The following PLCG2 variants were observed in gnomAD, a reference collection of about 807,000 sequenced individuals.
PLCG2 encodes the protein phospholipase C gamma 2, also known as 1-phosphatidylinositol 4,5-bisphosphate phosphodiesterase gamma-2.
In PLCG2, 69 loss-of-function variants were observed where a neutral mutation model predicts 175.6. The observed-to-expected ratio is 0.39, with a 90% CI of 0.32 to 0.48. The LOEUF is 0.48. Ranked by LOEUF, PLCG2 falls within the 20% of genes least tolerant of loss-of-function variation. PLCG2 has a pLI of 0.91. For missense variants in PLCG2, 1,798 were observed against 1,650.9 expected (o/e 1.09, Z -1.54); for synonymous variants, 827 against 624.0 (o/e 1.33, Z -4.85).
intron 2 of PLCG2, among the ~76,000 whole-genome samples, chr16:81,767,136 G>GTTTTTTT (rs66799783): frequency 4.2e-5 from 3 of 71,726 alleles, no homozygotes; most frequent in African/African-American, 1.8e-4. Flanking sequence ...TAAACTCGTG[G>GTTTTTTT]TTTTTTTTTT....
At chr16:81,839,224 CACAT>C (rs1425670676) in intron 2 of PLCG2, among the ~76,000 whole-genome samples, 1 of 152,058 alleles carries the variant, frequency 6.6e-6, no homozygotes, top group Admixed American at 6.6e-5. Context: ...AGAAAACTAT[CACAT>C]AAATAGTATC....
At chr16:81,874,034 A>G (rs938160447) in intron 7 of PLCG2, among the ~76,000 whole-genome samples, 1 of 152,232 alleles carries the variant, frequency 6.6e-6, no homozygotes, top group Non-Finnish European at 1.5e-5. Flanking sequence ...TTTGTATGGC[A>G]AAGATTCTGC....
upstream of PLCG2, among the ~76,000 whole-genome samples, chr16:81,776,492 G>C (rs1368383628): frequency 6.6e-6 from 1 of 152,096 alleles, no homozygotes; most frequent in Non-Finnish European, 1.5e-5. Flanking sequence ...TATTATCCTT[G>C]GGAAAAGAAG....
At chr16:81,946,288 G>A in intron 31 of PLCG2, 25 bp downstream of exon 31, 2 of 1,559,798 alleles carry the variant, frequency 1.3e-6, no homozygotes, top group East Asian at 2.2e-5. Flanking sequence ...ACCAGTTAAG[G>A]GTTCCCTGAG....
intron 32 of PLCG2, among the ~76,000 whole-genome samples, chr16:81,957,303 A>C (rs997873038): frequency 1.7e-5 from 2 of 120,132 alleles, no homozygotes; most frequent in African/African-American, 3.2e-5. Context: ...TGTCAAACAA[A>C]CAAACAAACA....
intron 2 of PLCG2, among the ~76,000 whole-genome samples, chr16:81,822,057 C>G (rs577798318): frequency 1.3e-5 from 2 of 152,200 alleles, no homozygotes; most frequent in Non-Finnish European, 2.9e-5. Flanking sequence ...AGCACCCTTA[C>G]GCTGCAGAGA....
intron 22 of PLCG2, among the ~76,000 whole-genome samples, chr16:81,926,537 C>G (rs1910282865): frequency 6.6e-6 from 1 of 152,210 alleles, no homozygotes; most frequent in Non-Finnish European, 1.5e-5. Flanking sequence ...AGAGCTAACA[C>G]TATTGAGTAT....
At chr16:81,784,632 G>C (rs1435130878) in intron 1 of PLCG2, among the ~76,000 whole-genome samples, 2 of 152,110 alleles carry the variant, frequency 1.3e-5, no homozygotes, top group Non-Finnish European at 2.9e-5. Context: ...AACAAATAAT[G>C]GTAATTTTAA....
At chr16:81,767,522 T>C (rs1362765885) in intron 2 of PLCG2, 3 of 152,214 alleles carry the variant, frequency 2.0e-5, no homozygotes, top group African/African-American at 7.2e-5. Flanking sequence ...CAACCTGCAC[T>C]GATCACTTCT....
chr16:81,789,257 G>A (rs1330582157), intron 2 of PLCG2, among the ~76,000 whole-genome samples: 1 of 152,254 alleles, frequency 6.6e-6, no homozygotes, highest in Non-Finnish European at 1.5e-5. Context: ...CTTCTGCTGA[G>A]TAATACCATT....
At chr16:81,803,032 G>A (rs1381935716) in intron 2 of PLCG2, among the ~76,000 whole-genome samples, 1 of 151,588 alleles carries the variant, frequency 6.6e-6, no homozygotes, top group Non-Finnish European at 1.5e-5. Flanking sequence ...CCCCATCCCT[G>A]GCAATGACAA....
At chr16:81,849,533 C>CG (rs1328710500) in intron 2 of PLCG2, among the ~76,000 whole-genome samples, 1 of 152,066 alleles carries the variant, frequency 6.6e-6, no homozygotes, top group Non-Finnish European at 1.5e-5. Context: ...CCGAGACAGG[C>CG]GGATCACCTG....
At chr16:81,848,892 G>T (rs1485593795) in intron 2 of PLCG2, among the ~76,000 whole-genome samples, 1 of 152,176 alleles carries the variant, frequency 6.6e-6, no homozygotes, top group Non-Finnish European at 1.5e-5. Context: ...ATAGATCATA[G>T]CAGGCATTGG....
chr16:81,901,715 G>C (rs150312333), intron 14 of PLCG2, among the ~76,000 whole-genome samples: 2 of 152,150 alleles, frequency 1.3e-5, no homozygotes, highest in Non-Finnish European at 2.9e-5. Flanking sequence ...TTCATATCCC[G>C]TTTACAGTTA....
chr16:81,882,731 C>G (rs769485955), intron 8 of PLCG2, among the ~76,000 whole-genome samples: 76 of 151,966 alleles, frequency 5.0e-4, no homozygotes, highest in African/African-American at 1.1e-3. Flanking sequence ...CTCCTTCTTG[C>G]TCACCCCACC....
intron 2 of PLCG2, among the ~76,000 whole-genome samples, chr16:81,843,745 A>C (rs965936437): frequency 1.3e-5 from 2 of 152,226 alleles, no homozygotes; most frequent in Non-Finnish European, 2.9e-5. Context: ...ATCTGCTTAA[A>C]ATACTAAAGA....
At chr16:81,870,081 A>T (rs977567580) in intron 6 of PLCG2, among the ~76,000 whole-genome samples, 40 of 152,240 alleles carry the variant, frequency 2.6e-4, no homozygotes, top group Non-Finnish European at 1.8e-4. Context: ...CTTATCAAGC[A>T]TCCTTTGACC....
At chr16:81,827,601 A>C (rs532623170) in intron 2 of PLCG2, among the ~76,000 whole-genome samples, 18 of 152,244 alleles carry the variant, frequency 1.2e-4, no homozygotes, top group African/African-American at 4.3e-4. Context: ...GGTTGTATCT[A>C]GGGGACAAAT....
chr16:81,789,301 C>G (rs1174516991), intron 2 of PLCG2, among the ~76,000 whole-genome samples: 1 of 152,178 alleles, frequency 6.6e-6, no homozygotes, highest in Non-Finnish European at 1.5e-5. Context: ...CTCTCGCTCT[C>G]TGTTTTAGAG....
Sources: allele counts gnomAD v4.1 joint callset (sites outside exome capture counted in the v4.1 genomes callset), GRCh38; gene constraint gnomAD v4.1.1; transcripts MANE v1.5; gene names NCBI Gene and HGNC (gene_info 2026-07-23, HGNC 2026-07-21).